The following OPHN1 variants were observed in gnomAD, a reference collection of about 807,000 sequenced individuals.
The protein encoded by OPHN1 is oligophrenin-1.
In OPHN1, 11 loss-of-function variants were observed where a neutral mutation model predicts 60.7. That is an observed-to-expected ratio of 0.18 (90% CI 0.11 to 0.30). The LOEUF is 0.30. Ranked by LOEUF, OPHN1 falls within the 10% of genes least tolerant of loss-of-function variation. The pLI, the probability that OPHN1 is intolerant of heterozygous loss-of-function variation, is 1.00. For synonymous variants in OPHN1, 226 were observed against 222.6 expected, an observed-to-expected ratio of 1.02 and a Z score of -0.14; for missense variants, 449 against 611.0, an observed-to-expected ratio of 0.73 and a Z score of 2.80.
At chrX:68,131,742 G>GAT (rs2077195618) in intron 15 of OPHN1, among the ~76,000 whole-genome samples, 1 of 111,845 alleles carries the variant, frequency 8.9e-6, no homozygotes, top group African/African-American at 3.3e-5. Flanking sequence ...CAATCTTACA[G>GAT]ATATATATCA....
chrX:68,219,601 A>C (rs2077640394), intron 6 of OPHN1, among the ~76,000 whole-genome samples: 1 of 111,465 alleles, frequency 9.0e-6, no homozygotes, highest in African/African-American at 3.3e-5. Context: ...CAGTGCAATC[A>C]AACTAGAACT....
At chrX:68,430,191 C>G (rs1602417180) in intron 2 of OPHN1, among the ~76,000 whole-genome samples, 1 of 112,174 alleles carries the variant, frequency 8.9e-6, no homozygotes, top group East Asian at 2.8e-4. Context: ...TCCACCCTAC[C>G]TACTTTCAGA....
intron 6 of OPHN1, among the ~76,000 whole-genome samples, chrX:68,218,312 C>T (rs753715917): frequency 9.4e-6 from 1 of 106,226 alleles, no homozygotes; most frequent in African/African-American, 3.4e-5. Context: ...ATTGGTGTAC[C>T]TGAAAGGGAT....
At chrX:68,148,562 G>T (rs1024069248) in intron 15 of OPHN1, among the ~76,000 whole-genome samples, 7 of 110,419 alleles carry the variant, frequency 6.3e-5, no homozygotes. Context: ...AAATAAAATT[G>T]AACAAGCTGA....
intron 2 of OPHN1, among the ~76,000 whole-genome samples, chrX:68,402,906 G>A (rs2078722762): frequency 8.9e-6 from 1 of 111,784 alleles, no homozygotes; most frequent in Non-Finnish European, 1.9e-5. Flanking sequence ...ATACTCACAC[G>A]TTAAAAGATA....
chrX:68,416,033 A>AATAT (rs1163304135), intron 2 of OPHN1, among the ~76,000 whole-genome samples: 28 of 29,709 alleles, frequency 9.4e-4, no homozygotes, highest in Non-Finnish European at 1.8e-3. Flanking sequence ...AAAATTATAT[A>AATAT]ATATATATAT....
At chrX:68,334,276 A>T (rs1216710936) in intron 2 of OPHN1, among the ~76,000 whole-genome samples, 1 of 112,032 alleles carries the variant, frequency 8.9e-6, no homozygotes, top group East Asian at 2.8e-4. Context: ...TAATTTTAAA[A>T]TAGAAAGATT....
rs930119306 is a variant in OPHN1, at chrX:68,119,402, A to G, written c.1277-70T>C. On this transcript the variant is annotated intron_variant, in intron 15 of 24. Coordinates refer to ENST00000355520, the MANE Select transcript of OPHN1 (RefSeq NM_002547.3). ...AAATCTTACATTTTCCCTCTTTTAA[A>G]AGAAAAACAAAGTATATTACCCTAA... The G allele has an allele frequency of 7.8e-6, 6 of 765,078 alleles. No individual in the cohort carries two copies. In the African/African-American group the frequency reaches 1.2e-4, roughly 16 times the overall value. 63.1% of individuals were successfully genotyped at this position (765,078 alleles called of 1,213,427 possible).
At chrX:68,166,189 G>C (rs1202957111) in intron 15 of OPHN1, among the ~76,000 whole-genome samples, 2 of 112,310 alleles carry the variant, frequency 1.8e-5, no homozygotes, top group Non-Finnish European at 3.8e-5. Flanking sequence ...GTGAATACTA[G>C]AAAGAAATAA....
intron 2 of OPHN1, among the ~76,000 whole-genome samples, chrX:68,301,790 TTATG>T (rs1177751410): frequency 8.9e-6 from 1 of 112,277 alleles, no homozygotes; most frequent in Non-Finnish European, 1.9e-5. Context: ...ATCACCTTAT[TTATG>T]TATGTGTCTT....
intron 5 of OPHN1, among the ~76,000 whole-genome samples, chrX:68,237,552 A>G (rs2077758794): frequency 8.9e-6 from 1 of 112,275 alleles, no homozygotes; most frequent in African/African-American, 3.2e-5. Context: ...TGTAGTTTTC[A>G]GCATATAAGT....
chrX:68,062,110 T>C (rs943455638), intron 21 of OPHN1, among the ~76,000 whole-genome samples: 2 of 111,955 alleles, frequency 1.8e-5, no homozygotes, highest in Non-Finnish European at 3.8e-5. Context: ...ACCAAGTGTT[T>C]AAGTATTCAT....
intron 3 of OPHN1, among the ~76,000 whole-genome samples, chrX:68,296,806 T>G (rs2078098021): frequency 9.0e-6 from 1 of 110,572 alleles, no homozygotes; most frequent in Non-Finnish European, 1.9e-5. Context: ...CTTTCTTTCT[T>G]TTTTTAAAAA....
intron 23 of OPHN1, among the ~76,000 whole-genome samples, chrX:68,051,827 C>CAG (rs1043196853): frequency 1.8e-5 from 2 of 111,345 alleles, no homozygotes; most frequent in African/African-American, 6.5e-5. Context: ...GAAAGATGAG[C>CAG]AGAGAGAGAG....
intron 4 of OPHN1, among the ~76,000 whole-genome samples, chrX:68,278,683 C>T (rs891556478): frequency 1.4e-4 from 16 of 112,820 alleles, no homozygotes; most frequent in Admixed American, 1.9e-4. Flanking sequence ...GCCAGGAGTT[C>T]CAGGCTAGCC....
chrX:68,324,204 A>ATTTTCT (rs2078248172), intron 2 of OPHN1, among the ~76,000 whole-genome samples: 1 of 111,917 alleles, frequency 8.9e-6, no homozygotes, highest in Non-Finnish European at 1.9e-5. Context: ...CAGTAAGAAA[A>ATTTTCT]TACAAACAAA....
intron 2 of OPHN1, among the ~76,000 whole-genome samples, chrX:68,403,451 C>T (rs2078725272): frequency 8.9e-6 from 1 of 111,735 alleles, no homozygotes; most frequent in Admixed American, 9.5e-5. Context: ...AGATAAAAAT[C>T]ATATGCCTTC....
chrX:68,174,868 G>T (rs1205581512), intron 15 of OPHN1, among the ~76,000 whole-genome samples: 1 of 110,284 alleles, frequency 9.1e-6, no homozygotes, highest in Non-Finnish European at 1.9e-5. Flanking sequence ...TGAATCACCT[G>T]AGGTCAGGAG....
At chrX:68,328,981 G>A (rs1216714161) in intron 2 of OPHN1, among the ~76,000 whole-genome samples, 1 of 111,925 alleles carries the variant, frequency 8.9e-6, no homozygotes, top group East Asian at 2.8e-4. Flanking sequence ...GCAATGATGC[G>A]ATCTCAGTTC....
Sources: gnomAD v4.1 joint callset for allele counts (sites outside exome capture counted in the v4.1 genomes callset) on GRCh38, gnomAD v4.1.1 for gene constraint, MANE v1.5 for transcripts, NCBI Gene and HGNC (gene_info 2026-07-23, HGNC 2026-07-21) for gene names.